ZNF140: variants seen among roughly 807,000 people sequenced by gnomAD.
ZNF140 encodes the protein zinc finger protein 140.
A neutral mutation model predicts 12.9 loss-of-function variants in ZNF140; 13 were observed. The ratio of observed to expected loss-of-function variants is 1.01; its 90% CI spans 0.66 to 1.60. The LOEUF is 1.60. Ranked by LOEUF, ZNF140 falls within the 40% of genes most tolerant of loss-of-function variation. The pLI, the probability that ZNF140 is intolerant of heterozygous loss-of-function variation, is 0.00. For synonymous variants in ZNF140, 214 were observed against 186.7 expected (o/e 1.15, Z -1.19); for missense variants, 531 against 548.8 (o/e 0.97, Z 0.32).
At position 133,081,254 on chromosome 12, in the gene ZNF140, T is replaced by C; in HGVS notation, c.-48-19T>C. The C allele has an allele frequency of 6.9e-7, 1 of 1,457,462 alleles. No homozygotes were observed. The highest frequency in any genetic ancestry group is 9.4e-7 in the Non-Finnish European group (1 of 1,065,896). The allele number at this position is 1,457,462 out of a possible 1,614,324, so 90.3% of individuals were successfully genotyped here. A position where few individuals can be genotyped will look rare whatever the true frequency, so the allele number is the denominator to read the frequency against. On this transcript the variant is annotated intron_variant, in intron 1 of 4. Coordinates refer to ENST00000355557, the MANE Select transcript of ZNF140 (RefSeq NM_003440.4). Reference sequence around the variant, plus strand: ...CCTAGCTGGCCTGTTCGCTCAGGGCTCCTTTCTCTCTCTGCCAGGTCTGCC... The same window carrying C: ...CCTAGCTGGCCTGTTCGCTCAGGGCCCCTTTCTCTCTCTGCCAGGTCTGCC...
At chr12:133,090,769 A>C (rs1239900481) in intron 4 of ZNF140, among the ~76,000 whole-genome samples, 3 of 144,632 alleles carry the variant, frequency 2.1e-5, no homozygotes, top group Non-Finnish European at 4.6e-5. Flanking sequence ...GCAGGGTGAT[A>C]ATAAGGAGAA....
At chr12:133,089,177 T>C (rs1954773759) in intron 4 of ZNF140, among the ~76,000 whole-genome samples, 1 of 152,178 alleles carries the variant, frequency 6.6e-6, no homozygotes, top group South Asian at 2.1e-4. Context: ...CAGTGAATCC[T>C]GATGCTTTCA....
In ZNF140 at chr12:133,103,428, A is replaced by AT. The variant is rs144653447; in HGVS notation, c.233-2065dup. Among the ~76,000 whole-genome samples, 1,141 of 141,024 alleles carry AT rather than the reference A, an allele frequency of 8.1e-3. 12 individuals carry two copies. Among genetic ancestry groups the AT allele is most frequent in the African/African-American group, 0.025 (942 of 37,352 alleles). The allele number at this position is 141,024 out of a possible 152,430, so 92.5% of individuals were successfully genotyped here. On this transcript the variant is annotated intron_variant, in intron 4 of 4. Transcript: ENST00000355557. Reference sequence around the variant, plus strand: ...TGCACAGTACCGTGCCTAAGTTTTAATTTTTTTTTTTTTTTTTGGGTAAAG... The same window carrying AT: ...TGCACAGTACCGTGCCTAAGTTTTAATTTTTTTTTTTTTTTTTTGGGTAAAG...
At position 133,106,770 on chromosome 12, in the gene ZNF140, A is replaced by G. The variant is rs1036835364; in HGVS notation, c.*119A>G. 7.5e-6 allele frequency: 7 copies of G among 929,652 alleles called. No individual in the cohort carries two copies. In the African/African-American group the frequency reaches 1.2e-4, roughly 16 times the overall value. The allele number at this position is 929,652 out of a possible 1,614,324, so 57.6% of individuals were successfully genotyped here. A position where few individuals can be genotyped will look rare whatever the true frequency, so the allele number is the denominator to read the frequency against. Reference sequence around the variant, plus strand: ...GTGAAAGTGATGACTGTGAAGTAATATGGCCCACACTTTATTCACCACCCT... The same window carrying G: ...GTGAAAGTGATGACTGTGAAGTAATGTGGCCCACACTTTATTCACCACCCT... On this transcript the variant is annotated 3_prime_UTR_variant, in exon 5 of 5. Coordinates refer to ENST00000355557, the MANE Select transcript of ZNF140 (RefSeq NM_003440.4).
intron 4 of ZNF140, among the ~76,000 whole-genome samples, chr12:133,101,547 C>T (rs1217812841): frequency 6.6e-6 from 1 of 152,168 alleles, no homozygotes; most frequent in African/African-American, 2.4e-5. Flanking sequence ...CGGGTTCACG[C>T]CATTCTCCTG....
chr12:133,104,874 G>A (rs746045799), intron 4 of ZNF140, among the ~76,000 whole-genome samples: 1 of 152,126 alleles, frequency 6.6e-6, no homozygotes, highest in Non-Finnish European at 1.5e-5. Context: ...TGGGGGTTTG[G>A]TGTGCAGATA....
At chr12:133,092,754 C>A (rs1252982302) in intron 4 of ZNF140, among the ~76,000 whole-genome samples, 1 of 151,136 alleles carries the variant, frequency 6.6e-6, no homozygotes, top group African/African-American at 2.5e-5. Context: ...AGAGATGGAG[C>A]CTGTGAACAT....
chr12:133,091,597 C>T lies in ZNF140; in HGVS notation c.232+8036C>T, dbSNP rs1213101102. Among the ~76,000 whole-genome samples, 6 of 150,690 alleles carry T rather than the reference C, an allele frequency of 4.0e-5. No homozygotes were observed. In the East Asian group the frequency reaches 5.8e-4, roughly 15 times the overall value. ...CGCCATCGTCATCATGACCCGTTCT[C>T]GCTGGTCGCTGTCTCTCCGGAGCTG... On this transcript the variant is annotated intron_variant, in intron 4 of 4. Transcript: ENST00000355557.
chr12:133,099,639 T>C (rs1955264811), intron 4 of ZNF140, among the ~76,000 whole-genome samples: 4 of 152,084 alleles, frequency 2.6e-5, no homozygotes, highest in Non-Finnish European at 5.9e-5. Flanking sequence ...TGAAATATAA[T>C]CCCAACACTC....
intron 4 of ZNF140, chr12:133,093,635 A>G (rs1228099007): frequency 3.3e-6 from 2 of 598,920 alleles, no homozygotes; most frequent in East Asian, 5.7e-5. Context: ...GTTTTCCCTC[A>G]TGTGGGCTGT....
rs1955561261 is a variant in ZNF140 at position 133,105,549 on chromosome 12, A to G, written c.272A>G (p.Lys91Arg). The G allele has an allele frequency of 6.2e-6, 10 of 1,610,344 alleles. No homozygotes were observed. Among genetic ancestry groups the G allele is most frequent in the Non-Finnish European group, 5.9e-6 (7 of 1,178,896 alleles). ...SSGEIKDFSP[K>R]NVIYDDSSQY... is the part of the protein sequence containing the mutation. ...GGTGAGATCAAAGACTTTTCACCAA[A>G]AAATGTCATTTATGATGACTCATCC... The change falls in exon 5 of 5, where the codon AAA (lysine) becomes AGA (arginine). Residue 91 changes from lysine to arginine, a missense_variant. Physicochemically the swap from Lys to Arg is conservative, Grantham distance 26. Transcript: ENST00000355557.
chr12:133,081,158 T>C (rs1244500332), intron 1 of ZNF140, 86 bp downstream of exon 1: 3 of 328,464 alleles, frequency 9.1e-6, no homozygotes, highest in Non-Finnish European at 1.8e-5. Flanking sequence ...GGCGCCCTGC[T>C]CTCTACGTGG....
intron 4 of ZNF140, among the ~76,000 whole-genome samples, chr12:133,096,206 G>C (rs1955118556): frequency 6.6e-6 from 1 of 151,978 alleles, no homozygotes; most frequent in East Asian, 1.9e-4. Flanking sequence ...TGAGACTAGA[G>C]AATGGCGATG....
chr12:133,088,453 G>A (rs115588061), intron 4 of ZNF140, among the ~76,000 whole-genome samples: 3,440 of 152,160 alleles, frequency 0.023, 128 homozygotes, highest in African/African-American at 0.078. Context: ...TTTCTTTTTA[G>A]CACTGAATAA....
intron 3 of ZNF140, 34 bp from the exon 4 acceptor site, chr12:133,083,432 C>T: frequency 6.3e-7 from 1 of 1,596,188 alleles, no homozygotes; most frequent in Non-Finnish European, 8.5e-7. Flanking sequence ...GATTCAATGA[C>T]TGATCTTGAA....
At chr12:133,095,561 GTA>G (rs1955047804) in intron 4 of ZNF140, among the ~76,000 whole-genome samples, 1 of 151,694 alleles carries the variant, frequency 6.6e-6, no homozygotes, top group South Asian at 2.1e-4. Context: ...CAGAGACAAA[GTA>G]TAGAGAAACA....
Position 133,105,694 on chromosome 12 carries a change from AG to A in ZNF140, c.418del (p.Val140Ter), listed in dbSNP as rs1162856073. On this transcript the variant is annotated frameshift_variant, in exon 5 of 5. Transcript: ENST00000355557. LOFTEE classifies it low-confidence loss of function (END_TRUNC). ...LQENQGCIRK[V>X]TVSHQEALAQ... ...AAGAAAATCAGGGATGTATTAGGAAAGTAACAGTCTCTCATCAAGAAGCCCT... is the reference window on the plus strand; with the variant it reads ...AAGAAAATCAGGGATGTATTAGGAAATAACAGTCTCTCATCAAGAAGCCCT... 6.2e-7 allele frequency: 1 copy of A among 1,614,086 alleles called. No individual in the cohort carries two copies. The highest frequency in any genetic ancestry group is 1.3e-5 in the African/African-American group (1 of 74,936).
chr12:133,093,624 A>G, intron 4 of ZNF140: 1 of 615,008 alleles, frequency 1.6e-6, no homozygotes, highest in South Asian at 1.9e-5. Flanking sequence ...CCACCAAATT[A>G]GTTTTCCCTC....
Position 133,106,515 on chromosome 12 carries a change from A to T in ZNF140, c.1238A>T (p.Tyr413Phe). The change falls in exon 5 of 5, where the codon TAT (tyrosine) becomes TTT (phenylalanine). Residue 413 changes from tyrosine to phenylalanine, a missense_variant. By Grantham distance (22) the Tyr-to-Phe change is conservative. Coordinates refer to ENST00000355557, the MANE Select transcript of ZNF140 (RefSeq NM_003440.4). ...AGAACTCATACTGGAGAGAAACCCT[A>T]TGTATGTAAGGTATGCAACAAATCC... Reference protein sequence around the residue: ...HQRTHTGEKPYVCKVCNKSFS... With the variant: ...HQRTHTGEKPFVCKVCNKSFS... The T allele has an allele frequency of 6.2e-7, 1 of 1,614,088 alleles. No homozygotes were observed. Among genetic ancestry groups the T allele is most frequent in the Admixed American group, 1.7e-5 (1 of 60,020 alleles).
Sources: allele counts gnomAD v4.1 joint callset (sites outside exome capture counted in the v4.1 genomes callset), GRCh38; gene constraint gnomAD v4.1.1; transcripts MANE v1.5; gene names NCBI Gene and HGNC (gene_info 2026-07-23, HGNC 2026-07-21).